Variants in ITGA8 observed in about 807,000 individuals in gnomAD.
ITGA8 encodes integrin alpha-8.
A neutral mutation model predicts 142.3 loss-of-function variants in ITGA8; 91 were observed. The observed-to-expected ratio is 0.64, with a 90% CI of 0.54 to 0.76. The LOEUF (loss-of-function observed/expected upper bound fraction) is 0.76, where lower values mean the gene tolerates loss of function less well. Among genes scored for constraint, ITGA8 ranks in the 30% least tolerant of loss-of-function variants. ITGA8 has a pLI of 0.00. For synonymous variants in ITGA8, 505 were observed against 485.2 expected, an observed-to-expected ratio of 1.04 and a Z score of -0.54; for missense variants, 1,406 against 1,327.7, an observed-to-expected ratio of 1.06 and a Z score of -0.92.
chr10:15,554,865 CA>C (rs1188544045), intron 26 of ITGA8, among the ~76,000 whole-genome samples: 1 of 151,710 alleles, frequency 6.6e-6, no homozygotes, highest in African/African-American at 2.4e-5. Context: ...GAAGGAAAAG[CA>C]AAAACCTTTT....
At chr10:15,692,590 G>A (rs189344981) in intron 2 of ITGA8, among the ~76,000 whole-genome samples, 11 of 152,312 alleles carry the variant, frequency 7.2e-5, no homozygotes, top group Non-Finnish European at 1.3e-4. Context: ...CCCAGCATGT[G>A]TTAGCAGGAA....
intron 26 of ITGA8, among the ~76,000 whole-genome samples, chr10:15,550,771 C>G (rs1010445242): frequency 4.0e-5 from 6 of 151,898 alleles, no homozygotes; most frequent in Non-Finnish European, 8.8e-5. Flanking sequence ...ACTGGAGAAC[C>G]TGTGATGCTT....
At chr10:15,638,829 G>A (rs1833817705) in intron 13 of ITGA8, among the ~76,000 whole-genome samples, 1 of 152,112 alleles carries the variant, frequency 6.6e-6, no homozygotes, top group African/African-American at 2.4e-5. Flanking sequence ...ATGTCTGTGA[G>A]TAAATTTTAA....
intron 4 of ITGA8, 68 bp downstream of exon 4, chr10:15,683,936 C>T (rs1164847581): frequency 3.8e-6 from 6 of 1,581,864 alleles, no homozygotes; most frequent in Admixed American, 3.5e-5. Flanking sequence ...TTGAGCCTAC[C>T]TGCACTCCTG....
At chr10:15,648,652 A>C (rs1398526097) in intron 11 of ITGA8, among the ~76,000 whole-genome samples, 1 of 152,022 alleles carries the variant, frequency 6.6e-6, no homozygotes, top group Non-Finnish European at 1.5e-5. Flanking sequence ...AAAGTCAGGG[A>C]TGAGGTGGGA....
intron 9 of ITGA8, among the ~76,000 whole-genome samples, chr10:15,659,693 A>T (rs1427940036): frequency 6.6e-6 from 1 of 152,240 alleles, no homozygotes; most frequent in Admixed American, 6.5e-5. Flanking sequence ...TTAGTTAAGG[A>T]TCTCAAGATG....
chr10:15,670,954 C>A (rs187024957), intron 8 of ITGA8, among the ~76,000 whole-genome samples: 77 of 152,294 alleles, frequency 5.1e-4, no homozygotes, highest in African/African-American at 1.8e-3. Context: ...TCTGACCCCC[C>A]ACCGTCATCA....
chr10:15,644,458 AT>A lies in ITGA8; in HGVS notation c.1208-238del, dbSNP rs1833934601. Among the ~76,000 whole-genome samples, 24 of 9,078 alleles carry A rather than the reference AT, an allele frequency of 2.6e-3. 1 individual carries two copies. Among genetic ancestry groups the A allele is most frequent in the South Asian group, 0.025 (1 of 40 alleles). 6.0% of individuals were successfully genotyped at this position (9,078 alleles called of 152,430 possible). On this transcript the variant is annotated intron_variant, in intron 12 of 29. Transcript: ENST00000378076. Reference sequence around the variant, plus strand: ...AATATATATATATATATATATATATATATATATATATATATATATATATATA... The same window carrying A: ...AATATATATATATATATATATATATAATATATATATATATATATATATATA...
At chr10:15,622,351 G>A (rs977171589) in intron 13 of ITGA8, among the ~76,000 whole-genome samples, 2 of 110,434 alleles carry the variant, frequency 1.8e-5, no homozygotes, top group Non-Finnish European at 4.2e-5. Flanking sequence ...AATGCCATTG[G>A]ACATCTTCTT....
intron 2 of ITGA8, 62 bp downstream of exon 2, chr10:15,718,704 C>G: frequency 6.3e-7 from 1 of 1,596,228 alleles, no homozygotes. Context: ...GAAGTCGCCT[C>G]TGGGATGGCC....
At chr10:15,579,713 C>A (rs188601311) in intron 23 of ITGA8, among the ~76,000 whole-genome samples, 2 of 151,814 alleles carry the variant, frequency 1.3e-5, no homozygotes, top group African/African-American at 4.8e-5. Flanking sequence ...TAGAAGTCAA[C>A]AAAAATAAAA....
rs554081934 is a variant in ITGA8 at position 15,529,306 on chromosome 10, C to T, written c.2982+1744G>A. ...CTCATTTATTGAGATTTGACACTAA[C>T]TTGTTCCAGGTACAATGCTAGAGCT... On this transcript the variant is annotated intron_variant, in intron 28 of 29. Transcript: ENST00000378076. 5.9e-5 allele frequency among the ~76,000 whole-genome samples: 9 copies of T among 152,326 alleles called. No individual in the cohort carries two copies. The East Asian group carries it at 1.7e-3, about 29-fold the overall frequency.
intron 13 of ITGA8, among the ~76,000 whole-genome samples, chr10:15,631,551 T>C (rs1833685595): frequency 6.6e-6 from 1 of 151,636 alleles, no homozygotes. Context: ...GAACATCACA[T>C]ACCGGGTCCT....
chr10:15,567,372 C>T (rs7915104), intron 25 of ITGA8, among the ~76,000 whole-genome samples: 145,955 of 152,260 alleles, frequency 0.96, 70,215 homozygotes, highest in Non-Finnish European at 1. Flanking sequence ...AGAAATACTT[C>T]ACTCAACTCT....
At chr10:15,678,396 G>T (rs1834672666) in intron 5 of ITGA8, among the ~76,000 whole-genome samples, 1 of 152,020 alleles carries the variant, frequency 6.6e-6, no homozygotes, top group Non-Finnish European at 1.5e-5. Context: ...AGATTCATGT[G>T]ATCTTTTTAA....
At chr10:15,583,379 G>A (rs1353611719) in intron 23 of ITGA8, among the ~76,000 whole-genome samples, 2 of 152,156 alleles carry the variant, frequency 1.3e-5, no homozygotes, top group Non-Finnish European at 2.9e-5. Context: ...TGGGGGGCTA[G>A]GGAAGGGATA....
rs545462749 is a variant in ITGA8, at chr10:15,667,729, C to T, written c.847+3874G>A. Among the ~76,000 whole-genome samples, 407 of 152,014 alleles carry T rather than the reference C, an allele frequency of 2.7e-3. 2 individuals carry two copies. Among genetic ancestry groups the T allele is most frequent in the South Asian group, 0.017 (80 of 4,782 alleles). ...TTCTGGTATGTTGTGTCTTTGTTCT[C>T]GTTGGTTTCAAAGAACATCTTTATT... is the stretch of plus-strand genomic sequence containing the variant. On this transcript the variant is annotated intron_variant, in intron 8 of 29. Transcript: ENST00000378076.
chr10:15,667,780 A>C (rs1834425138), intron 8 of ITGA8, among the ~76,000 whole-genome samples: 1 of 151,962 alleles, frequency 6.6e-6, no homozygotes, highest in South Asian at 2.1e-4. Context: ...TTGTGTACCC[A>C]GTAGTCATTC....
At chr10:15,538,512 GAAA>G (rs71374631) in intron 27 of ITGA8, among the ~76,000 whole-genome samples, 2 of 98,526 alleles carry the variant, frequency 2.0e-5, no homozygotes, top group Non-Finnish European at 1.9e-5. Flanking sequence ...ACTCCGTCTC[GAAA>G]AAAAAAAAAA....
Sources: gnomAD v4.1 joint callset for allele counts (sites outside exome capture counted in the v4.1 genomes callset) on GRCh38, gnomAD v4.1.1 for gene constraint, MANE v1.5 for transcripts, NCBI Gene and HGNC (gene_info 2026-07-23, HGNC 2026-07-21) for gene names.